The following PPIL2 variants were observed in gnomAD, a reference collection of about 807,000 sequenced individuals.
PPIL2 encodes the protein peptidylprolyl isomerase like 2, also known as RING-type E3 ubiquitin-protein ligase PPIL2.
In PPIL2, 50 loss-of-function variants were observed where a neutral mutation model predicts 75.2. The ratio of observed to expected loss-of-function variants is 0.66; its 90% CI spans 0.53 to 0.84. The LOEUF is 0.84. Ranked by LOEUF, PPIL2 falls within the 40% of genes least tolerant of loss-of-function variation. The pLI, the probability that PPIL2 is intolerant of heterozygous loss-of-function variation, is 0.00. For missense variants in PPIL2, 590 were observed against 685.0 expected (o/e 0.86, Z 1.55); for synonymous variants, 245 against 258.8 (o/e 0.95, Z 0.51).
At position 21,697,017 on chromosome 22, in the gene PPIL2, C is replaced by T. The variant is rs952509316; in HGVS notation, c.*1527C>T. ...TTCTCTTCTCCAGCCCATCCCTCTG[C>T]AGCCTGTCATCCCTGTCTGTGACCA... On this transcript the variant is annotated 3_prime_UTR_variant, in exon 20 of 20. Coordinates refer to ENST00000398831, the MANE Select transcript of PPIL2 (RefSeq NM_014337.4). 6.5e-7 allele frequency: 1 copy of T among 1,539,282 alleles called. No individual in the cohort carries two copies. The highest frequency in any genetic ancestry group is 2.0e-5 in the Admixed American group (1 of 50,974).
chr22:21,693,196 C>T (rs1380881541), intron 15 of PPIL2, among the ~76,000 whole-genome samples: 2 of 151,936 alleles, frequency 1.3e-5, no homozygotes, highest in African/African-American at 2.4e-5. Flanking sequence ...TACAGGCACA[C>T]GCCACCACGC....
intron 7 of PPIL2, 116 bp downstream of exon 7, chr22:21,681,506 A>G: frequency 1.1e-6 from 1 of 879,886 alleles, no homozygotes; most frequent in Admixed American, 2.2e-5. Flanking sequence ...TGGGGTTTAC[A>G]GTCACAGCCA....
intron 11 of PPIL2, 85 bp downstream of exon 11, chr22:21,686,643 G>T: frequency 7.3e-7 from 1 of 1,364,704 alleles, no homozygotes; most frequent in Non-Finnish European, 1.0e-6. Context: ...CCACTTTATT[G>T]GTCTGTCAGG....
Position 21,696,752 on chromosome 22 carries a change from T to G in PPIL2, c.*1262T>G. On this transcript the variant is annotated 3_prime_UTR_variant, in exon 20 of 20. Transcript: ENST00000398831. ...CCAAATCTTGAACCTGTCAGCAACT[T>G]GCAGGCTGTACCTCTGCCCTTCCTT... 1 of 1,541,808 alleles carries G rather than the reference T, an allele frequency of 6.5e-7. No homozygotes were observed. The highest frequency in any genetic ancestry group is 8.7e-7 in the Non-Finnish European group (1 of 1,146,850).
At chr22:21,695,359 G>A in intron 19 of PPIL2, 35 bp from the exon 20 acceptor site, 1 of 1,569,638 alleles carries the variant, frequency 6.4e-7, no homozygotes, top group Non-Finnish European at 8.6e-7. Context: ...GGCTGAGGGA[G>A]GGTGTGGGCT....
At chr22:21,691,597 G>A (rs532677488) in intron 15 of PPIL2, among the ~76,000 whole-genome samples, 4 of 151,948 alleles carry the variant, frequency 2.6e-5, no homozygotes, top group East Asian at 1.9e-4. Context: ...GGAGAATGGC[G>A]TGAACCCAGG....
At chr22:21,691,279 T>G (rs1745525197) in intron 15 of PPIL2, among the ~76,000 whole-genome samples, 1 of 152,188 alleles carries the variant, frequency 6.6e-6, no homozygotes, top group Non-Finnish European at 1.5e-5. Flanking sequence ...TTGTGCTTTC[T>G]TGGACAACTG....
At chr22:21,687,096 G>A (rs1433807947) in intron 12 of PPIL2, 98 bp downstream of exon 12, 2 of 1,183,448 alleles carry the variant, frequency 1.7e-6, no homozygotes, top group Non-Finnish European at 2.5e-6. Flanking sequence ...GTATGTGCTT[G>A]TTGTAGGAAA....
Position 21,694,456 on chromosome 22 carries a change from C to T in PPIL2, c.1197-137C>T, listed in dbSNP as rs1035963832. 1.0e-5 allele frequency: 9 copies of T among 897,574 alleles called. No individual in the cohort carries two copies. The Admixed American group carries it at 1.1e-4, about 11-fold the overall frequency. The allele number at this position is 897,574 out of a possible 1,614,324, so 55.6% of individuals were successfully genotyped here. ...CCCCGCCCTTGCCACTCCCTCTCAT[C>T]GCCTTCCTGGCTGCTGCCCAAGGAC... On this transcript the variant is annotated intron_variant, in intron 16 of 19. Transcript: ENST00000398831.
rs1428306221 is a variant in PPIL2 at position 21,697,241 on chromosome 22, C to T, written c.*1751C>T. 9.7e-6 allele frequency: 5 copies of T among 515,874 alleles called. No individual in the cohort carries two copies. Among genetic ancestry groups the T allele is most frequent in the Non-Finnish European group, 1.8e-5 (5 of 285,146 alleles). The allele number at this position is 515,874 out of a possible 1,614,324, so 32.0% of individuals were successfully genotyped here. ...GTCCACACACCTGTAGGCCTCTGAG[C>T]CAGCGTCCAGGGTACAGGTGCGGGT... On this transcript the variant is annotated 3_prime_UTR_variant, in exon 20 of 20. Transcript: ENST00000398831.
intron 12 of PPIL2, 151 bp from the exon 13 acceptor site, chr22:21,687,492 G>A: frequency 1.7e-6 from 1 of 583,256 alleles, no homozygotes; most frequent in East Asian, 3.0e-5. Context: ...GGCGGAGGTT[G>A]CAGTGAGCCA....
At position 21,669,418 on chromosome 22, in the gene PPIL2, G is replaced by C. The variant is rs1211201690; in HGVS notation, c.33-495G>C. ...CCTGCCTTGGCCTCCCAAACTGTTG[G>C]GATTATAGGTGTGAGCCACTGTGCC... On this transcript the variant is annotated intron_variant, in intron 1 of 19. Transcript: ENST00000398831. The C allele has an allele frequency of 1.6e-5, 7 of 445,318 alleles. 1 individual carries two copies. The highest frequency in any genetic ancestry group is 1.4e-4 in the African/African-American group (7 of 49,804). 27.6% of individuals were successfully genotyped at this position (445,318 alleles called of 1,614,324 possible).
At position 21,670,109 on chromosome 22, in the gene PPIL2, A is replaced by G. The variant is rs577888259; in HGVS notation, c.82+147A>G. 2.1e-5 allele frequency: 20 copies of G among 943,496 alleles called. No individual in the cohort carries two copies. In the African/African-American group the frequency reaches 3.2e-4, roughly 15 times the overall value. 58.4% of individuals were successfully genotyped at this position (943,496 alleles called of 1,614,324 possible). ...CTGAGGACACAGTTCATGAAAGAGA[A>G]ATATACTCAAGATAGAAGAACCTGC... On this transcript the variant is annotated intron_variant, in intron 2 of 19. Coordinates refer to ENST00000398831, the MANE Select transcript of PPIL2 (RefSeq NM_014337.4).
At chr22:21,678,939 C>T (rs2066990010) in intron 6 of PPIL2, among the ~76,000 whole-genome samples, 1 of 150,088 alleles carries the variant, frequency 6.7e-6, no homozygotes, top group African/African-American at 2.5e-5. Context: ...TCTTGTTCCC[C>T]AGGCTGGAGT....
At chr22:21,667,765 ATTTTTTTTTTTTTTTT>A in intron 1 of PPIL2, among the ~76,000 whole-genome samples, 2 of 69,884 alleles carry the variant, frequency 2.9e-5, no homozygotes, top group African/African-American at 6.1e-5. Flanking sequence ...GACATCTCAA[ATTTTTTTTTTTTTTTT>A]TTTTTTTTTT....
chr22:21,692,367 G>C (rs186516931), intron 15 of PPIL2, among the ~76,000 whole-genome samples: 12 of 151,228 alleles, frequency 7.9e-5, no homozygotes, highest in Non-Finnish European at 1.8e-4. Flanking sequence ...TGTTAGCGAG[G>C]ATGGTCTCGA....
Position 21,695,645 on chromosome 22 carries a change from C to T in PPIL2, c.*155C>T, listed in dbSNP as rs1601609972. On this transcript the variant is annotated 3_prime_UTR_variant, in exon 20 of 20. Coordinates refer to ENST00000398831, the MANE Select transcript of PPIL2 (RefSeq NM_014337.4). Reference sequence around the variant, plus strand: ...CCCTTTCCTGGCCCCTGGGAGCCCACAGCCTTCCCATCCCTTAACCTGTTG... The same window carrying T: ...CCCTTTCCTGGCCCCTGGGAGCCCATAGCCTTCCCATCCCTTAACCTGTTG... 2 of 1,455,718 alleles carry T rather than the reference C, an allele frequency of 1.4e-6. No individual in the cohort carries two copies. Among genetic ancestry groups the T allele is most frequent in the East Asian group, 2.6e-5 (1 of 38,728 alleles). The allele number at this position is 1,455,718 out of a possible 1,614,324, so 90.2% of individuals were successfully genotyped here.
Position 21,695,826 on chromosome 22 carries a change from G to A in PPIL2, c.*336G>A. ...TGAGGAAGGACTGTGTCTCCAGATTGTGGTTTCCTCTTTAAGACAGGGTCT... is the reference window on the plus strand; with the variant it reads ...TGAGGAAGGACTGTGTCTCCAGATTATGGTTTCCTCTTTAAGACAGGGTCT... On this transcript the variant is annotated 3_prime_UTR_variant, in exon 20 of 20. Transcript: ENST00000398831. 8.5e-7 allele frequency: 1 copy of A among 1,171,526 alleles called. No individual in the cohort carries two copies. Among genetic ancestry groups the A allele is most frequent in the Non-Finnish European group, 1.1e-6 (1 of 937,862 alleles). 72.6% of individuals were successfully genotyped at this position (1,171,526 alleles called of 1,614,324 possible). A position where few individuals can be genotyped will look rare whatever the true frequency, so the allele number is the denominator to read the frequency against.
At chr22:21,676,392 C>G (rs2845462) in intron 6 of PPIL2, among the ~76,000 whole-genome samples, 35,573 of 135,496 alleles carry the variant, frequency 0.26, 4,446 homozygotes, top group Middle Eastern at 0.33. Context: ...ATTGATCATT[C>G]TTGGGTGTTT....
Sources: gnomAD v4.1 joint callset for allele counts (sites outside exome capture counted in the v4.1 genomes callset) on GRCh38, gnomAD v4.1.1 for gene constraint, MANE v1.5 for transcripts, NCBI Gene and HGNC (gene_info 2026-07-23, HGNC 2026-07-21) for gene names.